The following TBC1D2B variants were observed in gnomAD, a reference collection of about 807,000 sequenced individuals.
TBC1D2B encodes the protein TBC1 domain family member 2B.
A neutral mutation model predicts 100.8 loss-of-function variants in TBC1D2B; 64 were observed. The observed-to-expected ratio is 0.64, with a 90% CI of 0.52 to 0.78. The LOEUF is 0.78. Among genes scored for constraint, TBC1D2B ranks in the 30% least tolerant of loss-of-function variants. The pLI is 0.00. For synonymous variants in TBC1D2B, 480 were observed against 479.7 expected, an observed-to-expected ratio of 1.00 and a Z score of -0.01; for missense variants, 1,052 against 1,218.4, an observed-to-expected ratio of 0.86 and a Z score of 2.03.
chr15:78,057,765 GC>G (rs2141817912), intron 1 of TBC1D2B, among the ~76,000 whole-genome samples: 1 of 152,318 alleles, frequency 6.6e-6, no homozygotes, highest in Non-Finnish European at 1.5e-5. Flanking sequence ...TGACAGAAAA[GC>G]CCCAAAGGGC....
Position 78,013,134 on chromosome 15 carries a change from T to C in TBC1D2B, c.1959A>G (p.Pro653=). The part of the protein sequence containing the change: ...STVNREMMCS[P]ELKNLIRAGI... ...CCGCACGGATGAGGTTTTTTAACTCTGGAGAGCACATCATCTCCCTGTTCA... is the reference window on the plus strand; with the variant it reads ...CCGCACGGATGAGGTTTTTTAACTCCGGAGAGCACATCATCTCCCTGTTCA... The change falls in exon 9 of 13, where the codon CCA becomes CCG. Residue 653 remains proline, a synonymous_variant. Transcript: ENST00000300584. The C allele has an allele frequency of 2.5e-6, 4 of 1,614,020 alleles. No homozygotes were observed. Among genetic ancestry groups the C allele is most frequent in the South Asian group, 1.1e-5 (1 of 91,082 alleles).
chr15:78,004,524 C>A (rs1451998372), intron 10 of TBC1D2B, among the ~76,000 whole-genome samples: 2 of 152,332 alleles, frequency 1.3e-5, no homozygotes, highest in African/African-American at 2.4e-5. Flanking sequence ...TAGCCAGGGG[C>A]TTTCCTCACA....
At chr15:78,073,108 C>T (rs931842863) in intron 1 of TBC1D2B, among the ~76,000 whole-genome samples, 3 of 152,210 alleles carry the variant, frequency 2.0e-5, no homozygotes, top group Admixed American at 6.5e-5. Context: ...TAGACATTCA[C>T]TATTCCTGGA....
intron 2 of TBC1D2B, among the ~76,000 whole-genome samples, chr15:78,047,522 A>G (rs1316535666): frequency 1.3e-5 from 2 of 152,156 alleles, no homozygotes; most frequent in Non-Finnish European, 2.9e-5. Flanking sequence ...CTAGAGGGAA[A>G]AGAGGATGGG....
chr15:78,034,280 C>T (rs1238755995), intron 3 of TBC1D2B, among the ~76,000 whole-genome samples: 1 of 152,314 alleles, frequency 6.6e-6, no homozygotes, highest in East Asian at 1.9e-4. Context: ...AAAACTCTCA[C>T]AAATGCTGGC....
Position 78,009,107 on chromosome 15 carries a change from C to A in TBC1D2B, c.2278G>T (p.Ala760Ser). 6.3e-7 allele frequency: 1 copy of A among 1,597,200 alleles called. No individual in the cohort carries two copies. Among genetic ancestry groups the A allele is most frequent in the Admixed American group, 1.7e-5 (1 of 57,508 alleles). The change falls in exon 10 of 13, where the codon GCA (alanine) becomes TCA (serine). Residue 760 changes from alanine (A) to serine (S), a missense_variant. Coordinates refer to ENST00000300584, the MANE Select transcript of TBC1D2B (RefSeq NM_144572.2). Reference sequence around the variant, plus strand: ...TGTTCCAGGTACAGGAGGGCCACTGCCACCAACCTACAAGCAAAGGGAGGA... The same window carrying A: ...TGTTCCAGGTACAGGAGGGCCACTGACACCAACCTACAAGCAAAGGGAGGA... Reference protein sequence around the residue: ...GYCQGLNRLVAVALLYLEQED... With the variant: ...GYCQGLNRLVSVALLYLEQED...
chr15:78,052,878 C>T (rs935604286), intron 2 of TBC1D2B, among the ~76,000 whole-genome samples: 2 of 152,054 alleles, frequency 1.3e-5, no homozygotes, highest in Non-Finnish European at 2.9e-5. Flanking sequence ...CGACTCTGAA[C>T]GAAACATAAG....
chr15:78,024,252 G>A lies in TBC1D2B; in HGVS notation c.1374C>T (p.Ser458=), dbSNP rs149486755. 1.5e-5 allele frequency: 24 copies of A among 1,613,906 alleles called. No homozygotes were observed. The highest frequency in any genetic ancestry group is 1.6e-4 in the Middle Eastern group (1 of 6,062). Residue 458 remains serine (S), a synonymous_variant, in exon 6 of 13, where the codon AGC becomes AGT. Coordinates refer to ENST00000300584, the MANE Select transcript of TBC1D2B (RefSeq NM_144572.2). ...GAGGAGGCCCGTTGCCCTCGCCCTC[G>A]CTGAGCTTGATGATGACCTCGTCCT... ...QAKDEVIIKL[S]EGEGNGPPPT...
intron 8 of TBC1D2B, among the ~76,000 whole-genome samples, chr15:78,015,510 A>G (rs1043790200): frequency 7.2e-5 from 11 of 152,214 alleles, no homozygotes; most frequent in Admixed American, 5.9e-4. Flanking sequence ...CAGCACGTTT[A>G]GAAGCGCTCC....
Position 78,057,574 on chromosome 15 carries a change from A to G in TBC1D2B, c.361-3387T>C, listed in dbSNP as rs562011775. ...GGCAGGAGAACTGCTTGAACCCAGG[A>G]AACGGAGGTTGCAGTGAGCCGACAC... On this transcript the variant is annotated intron_variant, in intron 1 of 12. Transcript: ENST00000300584. Among the ~76,000 whole-genome samples, 22 of 152,308 alleles carry G rather than the reference A, an allele frequency of 1.4e-4. 1 individual carries two copies. Among genetic ancestry groups the G allele is most frequent in the African/African-American group, 5.3e-4 (22 of 41,568 alleles).
rs117478848 is a variant in TBC1D2B at position 78,024,201 on chromosome 15, C to G, written c.1425G>C (p.Ser475=). The change falls in exon 6 of 13, where the codon TCG becomes TCC. Residue 475 remains serine, a synonymous_variant. Transcript: ENST00000300584. ...PPPTVAPSSP[S]VVPVARDQLE... is the part of the protein sequence containing the mutation. ...GCTGGTCCCTGGCAACAGGCACAACCGAAGGGGAGCTGGGCGCCACGGTGG... is the reference window on the plus strand; with the variant it reads ...GCTGGTCCCTGGCAACAGGCACAACGGAAGGGGAGCTGGGCGCCACGGTGG... 2 of 1,613,764 alleles carry G rather than the reference C, an allele frequency of 1.2e-6. No homozygotes were observed. The highest frequency in any genetic ancestry group is 1.7e-6 in the Non-Finnish European group (2 of 1,179,880).
intron 10 of TBC1D2B, among the ~76,000 whole-genome samples, chr15:78,008,400 G>A (rs1187677264): frequency 2.6e-5 from 4 of 152,234 alleles, no homozygotes; most frequent in South Asian, 2.1e-4. Context: ...GTGCGGCAGC[G>A]GCAGGAATGC....
In TBC1D2B at chr15:78,016,573, T is replaced by C; in HGVS notation, c.1748A>G (p.Gln583Arg). 1 of 1,612,806 alleles carries C rather than the reference T, an allele frequency of 6.2e-7. No homozygotes were observed. Among genetic ancestry groups the C allele is most frequent in the Non-Finnish European group, 8.5e-7 (1 of 1,179,612 alleles). The change falls in exon 8 of 13, where the codon CAA (glutamine) becomes CGA (arginine). Residue 583 changes from glutamine (Q) to arginine (R), a missense_variant. Gln to Arg is a conservative substitution (Grantham distance 43). Around this residue, in one of 4 missense-constraint regions of TBC1D2B, gnomAD observed 373 missense variants for 464.9 expected, o/e 0.80. Transcript: ENST00000300584. ...LQVESQEQPE[Q>R]AFVKPHLVSE... ...GACAAGATGAGGTTTAACAAATGCTTGCTCCGGCTGCTCTTGGCTCTCAAC... is the reference window on the plus strand; with the variant it reads ...GACAAGATGAGGTTTAACAAATGCTCGCTCCGGCTGCTCTTGGCTCTCAAC...
chr15:78,028,509 G>A (rs1263925464), intron 4 of TBC1D2B, among the ~76,000 whole-genome samples: 1 of 152,202 alleles, frequency 6.6e-6, no homozygotes, highest in Non-Finnish European at 1.5e-5. Context: ...GTAAATGAAT[G>A]TTAAAAGCAT....
At chr15:78,004,868 C>A (rs1045825945) in intron 10 of TBC1D2B, among the ~76,000 whole-genome samples, 1 of 152,152 alleles carries the variant, frequency 6.6e-6, no homozygotes, top group Non-Finnish European at 1.5e-5. Context: ...TTGAAAAAAT[C>A]CACATGTAAG....
intron 1 of TBC1D2B, among the ~76,000 whole-genome samples, chr15:78,069,049 T>C (rs2141843091): frequency 6.6e-6 from 1 of 152,314 alleles, no homozygotes; most frequent in East Asian, 1.9e-4. Context: ...ACTGTTTGTA[T>C]TTTGTTCTGA....
intron 1 of TBC1D2B, among the ~76,000 whole-genome samples, chr15:78,058,623 T>C (rs774777929): frequency 5.3e-5 from 8 of 152,160 alleles, no homozygotes; most frequent in Admixed American, 3.3e-4. Context: ...CTGGTGACAA[T>C]GAGCCAGTCA....
chr15:78,072,929 G>T (rs901829475), intron 1 of TBC1D2B, among the ~76,000 whole-genome samples: 2 of 152,104 alleles, frequency 1.3e-5, no homozygotes, highest in Non-Finnish European at 2.9e-5. Context: ...AGGCATCCTG[G>T]TAAAGAACTG....
intron 10 of TBC1D2B, among the ~76,000 whole-genome samples, chr15:78,004,767 T>C (rs1378570692): frequency 1.3e-5 from 2 of 152,206 alleles, no homozygotes; most frequent in Non-Finnish European, 2.9e-5. Flanking sequence ...AAAACAACTA[T>C]AGTCATCCCT....
Sources: gnomAD v4.1 joint callset for allele counts (sites outside exome capture counted in the v4.1 genomes callset) on GRCh38, gnomAD v4.1.1 for gene constraint, gnomAD v4.1.1 regional missense constraint, MANE v1.5 for transcripts, NCBI Gene and HGNC (gene_info 2026-07-23, HGNC 2026-07-21) for gene names.